Variants in KIF1B observed in about 807,000 individuals in gnomAD.
KIF1B encodes kinesin family member 1B, also known as kinesin-like protein KIF1B.
A neutral mutation model predicts 241.9 loss-of-function variants in KIF1B; 76 were observed. The observed-to-expected ratio is 0.31, with a 90% CI of 0.26 to 0.38. The LOEUF (loss-of-function observed/expected upper bound fraction) is 0.38. Among genes scored for constraint, KIF1B ranks in the 10% least tolerant of loss-of-function variants. The pLI is 1.00. For missense variants in KIF1B, 1,622 were observed against 2,271.4 expected (o/e 0.71, Z 5.81); for synonymous variants, 750 against 796.7 (o/e 0.94, Z 0.99).
chr1:10,360,056 TAATAAAATAA>T (rs1217160487), intron 38 of KIF1B, among the ~76,000 whole-genome samples: 1 of 149,996 alleles, frequency 6.7e-6, no homozygotes, highest in African/African-American at 2.5e-5. Flanking sequence ...AATAAAAAAA[TAATAAAATAA>T]AATAAAATAA....
rs1344152490 is a variant in KIF1B, at chr1:10,217,118, C to T, written c.-80+6240C>T. ...CCTCCCAAGTAGCTGGGATTACAAA[C>T]GTGTGCCACCACGCCCAGCTAATTT... On this transcript the variant is annotated intron_variant, in intron 1 of 48. Coordinates refer to ENST00000676179, the MANE Select transcript of KIF1B (RefSeq NM_001365951.3). 2.0e-5 allele frequency among the ~76,000 whole-genome samples: 3 copies of T among 151,278 alleles called. No individual in the cohort carries two copies. The East Asian group carries it at 5.8e-4, about 29-fold the overall frequency.
intron 1 of KIF1B, chr1:10,230,724 C>T (rs1646969480): frequency 6.6e-6 from 1 of 152,242 alleles, no homozygotes; most frequent in Non-Finnish European, 1.5e-5. Context: ...GCGTGAGCCA[C>T]CGCACGCGGC....
chr1:10,279,002 T>C, intron 13 of KIF1B, 95 bp from the exon 14 acceptor site: 1 of 760,990 alleles, frequency 1.3e-6, no homozygotes, highest in Non-Finnish European at 2.2e-6. Flanking sequence ...CTTTTCCATC[T>C]CCCCAAATGC....
intron 22 of KIF1B, 70 bp from the exon 23 acceptor site, chr1:10,319,973 T>C: frequency 1.0e-6 from 1 of 972,980 alleles, no homozygotes; most frequent in Non-Finnish European, 1.6e-6. Context: ...CCAATATTCC[T>C]TCCATTTCTC....
At chr1:10,246,903 G>A (rs1227218447) in intron 2 of KIF1B, among the ~76,000 whole-genome samples, 5 of 151,938 alleles carry the variant, frequency 3.3e-5, no homozygotes, top group African/African-American at 4.8e-5. Flanking sequence ...AGCCTCTGTC[G>A]CCCAGGCTGG....
intron 47 of KIF1B, 59 bp from the exon 48 acceptor site, chr1:10,375,195 AG>A (rs1352383236): frequency 8.6e-6 from 13 of 1,504,750 alleles, no homozygotes; most frequent in African/African-American, 1.4e-5. Context: ...GAATATGGCA[AG>A]GCAGTCCCCA....
chr1:10,252,386 T>TTTGTTGTTGTTGTTG (rs70997214), intron 2 of KIF1B, among the ~76,000 whole-genome samples: 153 of 149,932 alleles, frequency 1.0e-3, no homozygotes, highest in African/African-American at 3.1e-3. Context: ...TTGTGGGGTT[T>TTTGTTGTTGTTGTTG]TTGTTGTTGT....
At chr1:10,255,335 A>T (rs1476983007) in intron 2 of KIF1B, among the ~76,000 whole-genome samples, 1 of 151,888 alleles carries the variant, frequency 6.6e-6, no homozygotes, top group Non-Finnish European at 1.5e-5. Flanking sequence ...CACGCCTGTA[A>T]TCCCAGCAGT....
chr1:10,281,187 A>G (rs533055328), intron 14 of KIF1B, among the ~76,000 whole-genome samples: 4 of 152,248 alleles, frequency 2.6e-5, no homozygotes, highest in East Asian at 3.9e-4. Context: ...TTTTCCAGCT[A>G]TGTGTATTGA....
chr1:10,324,839 T>C lies in KIF1B; in HGVS notation c.2619T>C (p.Thr873=). 6.2e-7 allele frequency: 1 copy of C among 1,614,174 alleles called. No homozygotes were observed. Among genetic ancestry groups the C allele is most frequent in the Non-Finnish European group, 8.5e-7 (1 of 1,180,032 alleles). ...ASSAQDESET[T]VTGSDPFYDR... is the part of the protein sequence containing the mutation. ...GTGCCCAAGACGAAAGCGAAACCAC[T>C]GTGACTGGCAGCGATCCCTTCTATG... Residue 873 remains threonine, a synonymous_variant, in exon 26 of 49, where the codon ACT becomes ACC. Coordinates refer to ENST00000676179, the MANE Select transcript of KIF1B (RefSeq NM_001365951.3).
At chr1:10,260,580 A>G (rs1290595499) in intron 4 of KIF1B, among the ~76,000 whole-genome samples, 1 of 152,172 alleles carries the variant, frequency 6.6e-6, no homozygotes, top group Non-Finnish European at 1.5e-5. Flanking sequence ...TAAAACACAA[A>G]CAGCCCCAGC....
intron 1 of KIF1B, among the ~76,000 whole-genome samples, chr1:10,228,707 C>G (rs1646941551): frequency 6.6e-6 from 1 of 152,090 alleles, no homozygotes; most frequent in Non-Finnish European, 1.5e-5. Context: ...GGATCAAAGA[C>G]TAAAAGCCCA....
intron 22 of KIF1B, chr1:10,305,143 G>C: frequency 9.5e-7 from 1 of 1,051,662 alleles, no homozygotes; most frequent in Non-Finnish European, 1.1e-6. Context: ...TCTCATCCAC[G>C]TCTGTTCCCT....
intron 27 of KIF1B, among the ~76,000 whole-genome samples, chr1:10,332,632 C>G (rs1651994961): frequency 6.8e-6 from 1 of 147,956 alleles, no homozygotes; most frequent in African/African-American, 2.5e-5. Context: ...TCTCCTGCCT[C>G]AGCCTCCCGA....
At chr1:10,227,345 G>C (rs1343547176) in intron 1 of KIF1B, among the ~76,000 whole-genome samples, 1 of 152,066 alleles carries the variant, frequency 6.6e-6, no homozygotes, top group Non-Finnish European at 1.5e-5. Context: ...CAAGCCCAGG[G>C]TTATAAAACC....
intron 2 of KIF1B, among the ~76,000 whole-genome samples, chr1:10,254,420 A>G (rs1408464454): frequency 6.6e-6 from 1 of 152,318 alleles, no homozygotes; most frequent in East Asian, 1.9e-4. Flanking sequence ...ATTACACTCC[A>G]AAATGACTTA....
chr1:10,261,876 T>C (rs1349473488), intron 4 of KIF1B, 29 bp from the exon 5 acceptor site: 3 of 1,501,514 alleles, frequency 2.0e-6, no homozygotes, highest in East Asian at 2.3e-5. Flanking sequence ...ATTTGTGCTC[T>C]TCATGCCTCT....
chr1:10,272,571 C>G (rs1361952044), intron 9 of KIF1B: 2 of 533,006 alleles, frequency 3.8e-6, no homozygotes, highest in South Asian at 1.9e-5. Flanking sequence ...TTTTTTTGAG[C>G]CTTATTTTAT....
At chr1:10,296,721 A>G (rs1441228482) in intron 20 of KIF1B, 56 bp downstream of exon 20, 3 of 1,532,730 alleles carry the variant, frequency 2.0e-6, no homozygotes, top group African/African-American at 1.4e-5. Flanking sequence ...TTCTGTGACA[A>G]CTCTAATTTT....
Sources: allele counts gnomAD v4.1 joint callset (sites outside exome capture counted in the v4.1 genomes callset), GRCh38; gene constraint gnomAD v4.1.1; transcripts MANE v1.5; gene names NCBI Gene and HGNC (gene_info 2026-07-23, HGNC 2026-07-21).